The following EMCN variants were observed in gnomAD, a reference collection of about 807,000 sequenced individuals.
EMCN encodes the protein endomucin.
Under a neutral mutation model 38.4 loss-of-function variants are expected in EMCN, and 37 were observed. The observed-to-expected ratio is 0.96, with a 90% CI of 0.74 to 1.27. EMCN has a LOEUF of 1.27. Among genes scored for constraint, EMCN ranks in the 50% most tolerant of loss-of-function variants. The pLI is 0.00. For synonymous variants in EMCN, 95 were observed against 100.8 expected (o/e 0.94, Z 0.35); for missense variants, 318 against 302.8 (o/e 1.05, Z -0.37).
intron 2 of EMCN, among the ~76,000 whole-genome samples, chr4:100,479,056 C>T (rs183385652): frequency 6.6e-6 from 1 of 152,230 alleles, no homozygotes; most frequent in African/African-American, 2.4e-5. Flanking sequence ...TGAGAATCAC[C>T]ACCCTATTCA....
At chr4:100,408,434 A>G (rs1578391331) in intron 11 of EMCN, among the ~76,000 whole-genome samples, 1 of 152,180 alleles carries the variant, frequency 6.6e-6, no homozygotes, top group Non-Finnish European at 1.5e-5. Flanking sequence ...GGCTTTGTGC[A>G]GGGTCTTTAT....
At chr4:100,488,103 G>A (rs934296511) in intron 1 of EMCN, among the ~76,000 whole-genome samples, 2 of 152,162 alleles carry the variant, frequency 1.3e-5, no homozygotes. Context: ...AACTGTGTGA[G>A]CCACTTTACC....
chr4:100,511,393 G>A (rs1729621332), intron 1 of EMCN, among the ~76,000 whole-genome samples: 1 of 152,270 alleles, frequency 6.6e-6, no homozygotes, highest in Non-Finnish European at 1.5e-5. Flanking sequence ...GTTCCCAACT[G>A]TGATCTCCAT....
chr4:100,466,580 A>C (rs1728322894), intron 3 of EMCN, among the ~76,000 whole-genome samples: 1 of 152,274 alleles, frequency 6.6e-6, no homozygotes, highest in South Asian at 2.1e-4. Context: ...ATTCAAATGT[A>C]GTCTACAGTG....
chr4:100,481,344 T>C (rs992834), intron 1 of EMCN, among the ~76,000 whole-genome samples: 98,822 of 152,016 alleles, frequency 0.65, 32,500 homozygotes, highest in East Asian at 0.75. Context: ...ATAGAGAATA[T>C]GTGCTGTATA....
At chr4:100,500,131 C>T (rs980590910) in intron 1 of EMCN, among the ~76,000 whole-genome samples, 1 of 152,080 alleles carries the variant, frequency 6.6e-6, no homozygotes, top group African/African-American at 2.4e-5. Flanking sequence ...TGTCACAAAA[C>T]ACATCAGAGG....
chr4:100,508,233 T>C (rs1366682124), intron 1 of EMCN, among the ~76,000 whole-genome samples: 2 of 152,186 alleles, frequency 1.3e-5, no homozygotes, highest in East Asian at 3.9e-4. Context: ...ACAGCAAGCA[T>C]GTGGCCCCTG....
chr4:100,417,477 C>G (rs1229149462), intron 8 of EMCN, among the ~76,000 whole-genome samples: 2 of 152,104 alleles, frequency 1.3e-5, no homozygotes, highest in Non-Finnish European at 2.9e-5. Context: ...ATTTCAGTAT[C>G]TCTGAAAAAA....
intron 2 of EMCN, among the ~76,000 whole-genome samples, chr4:100,475,668 T>TAA (rs1560631537): frequency 1.1e-5 from 1 of 90,476 alleles, no homozygotes; most frequent in East Asian, 2.9e-4. Context: ...CCTTTTTTTT[T>TAA]TTTTTTTTTT....
At chr4:100,398,503 A>G (rs909093589) in intron 11 of EMCN, 130 bp from the exon 12 acceptor site, 2 of 152,068 alleles carry the variant, frequency 1.3e-5, no homozygotes, top group African/African-American at 2.4e-5. Context: ...CATTTTTTCC[A>G]CCTAGTAGAA....
intron 5 of EMCN, among the ~76,000 whole-genome samples, chr4:100,440,221 AT>A (rs1727471785): frequency 6.6e-6 from 1 of 152,090 alleles, no homozygotes; most frequent in South Asian, 2.1e-4. Flanking sequence ...TTTTTAAATT[AT>A]TTTTTATTAA....
intron 3 of EMCN, among the ~76,000 whole-genome samples, chr4:100,472,127 G>T (rs1403860500): frequency 1.3e-5 from 2 of 151,708 alleles, no homozygotes; most frequent in East Asian, 3.9e-4. Context: ...ATAAAAGAAA[G>T]TCATCCACAC....
intron 5 of EMCN, among the ~76,000 whole-genome samples, chr4:100,427,776 ATACT>A (rs1168008761): frequency 1.3e-5 from 2 of 152,108 alleles, no homozygotes; most frequent in East Asian, 3.9e-4. Context: ...ATAAATCCGG[ATACT>A]TACTTAGCAA....
At chr4:100,501,858 T>TC (rs1054531973) in intron 1 of EMCN, among the ~76,000 whole-genome samples, 2 of 151,894 alleles carry the variant, frequency 1.3e-5, no homozygotes, top group Non-Finnish European at 2.9e-5. Context: ...CTAGTGGGTT[T>TC]TTTTTTTTGA....
chr4:100,473,009 T>C (rs886911416), intron 3 of EMCN, among the ~76,000 whole-genome samples: 1 of 99,352 alleles, frequency 1.0e-5, no homozygotes, highest in Non-Finnish European at 2.3e-5. Flanking sequence ...TATATATATA[T>C]TATATATATA....
chr4:100,423,393 G>A lies in EMCN; in HGVS notation c.427C>T (p.Gln143Ter), dbSNP rs1321777263. The A allele has an allele frequency of 3.2e-5, 51 of 1,610,448 alleles. No homozygotes were observed. Among genetic ancestry groups the A allele is most frequent in the Non-Finnish European group, 4.2e-5 (50 of 1,177,032 alleles). ...GTTTTAGAAGGTGATGCATCTGGTTGTAGAACACTACCTGTATGAAAATTA... is the reference window on the plus strand; with the variant it reads ...GTTTTAGAAGGTGATGCATCTGGTTATAGAACACTACCTGTATGAAAATTA... ...KTTEIPGSVL[Q>*]PDASPSKTGT... Residue 143 changes from glutamine (Q) to a stop codon, truncating the protein, a stop_gained, in exon 6 of 12, where the codon CAA (glutamine) becomes TAA (stop). Transcript: ENST00000296420. LOFTEE classifies it high-confidence loss of function.
intron 1 of EMCN, among the ~76,000 whole-genome samples, chr4:100,482,488 G>C (rs1370266228): frequency 6.6e-6 from 1 of 152,168 alleles, no homozygotes; most frequent in Non-Finnish European, 1.5e-5. Context: ...GCTAGGGCTG[G>C]AAGAGTAATA....
intron 1 of EMCN, among the ~76,000 whole-genome samples, chr4:100,485,889 C>G (rs2055408): frequency 0.011 from 1,625 of 152,072 alleles, 30 homozygotes; most frequent in African/African-American, 0.037. Context: ...TGCCTTCCTC[C>G]AAAAATTGTA....
chr4:100,465,192 T>C (rs1464978154), intron 4 of EMCN, among the ~76,000 whole-genome samples: 1 of 152,186 alleles, frequency 6.6e-6, no homozygotes, highest in Non-Finnish European at 1.5e-5. Flanking sequence ...TATCATAGAT[T>C]ACTGCCCAGT....
Sources: allele counts gnomAD v4.1 joint callset (sites outside exome capture counted in the v4.1 genomes callset), GRCh38; gene constraint gnomAD v4.1.1; transcripts MANE v1.5; gene names NCBI Gene and HGNC (gene_info 2026-07-23, HGNC 2026-07-21).